SMAD9: variants seen among roughly 807,000 people sequenced by gnomAD.
SMAD9 encodes the protein SMAD family member 9, also known as MAD homolog 9.
In SMAD9, 36 loss-of-function variants were observed where a neutral mutation model predicts 46.1. The observed-to-expected ratio is 0.78, with a 90% CI of 0.60 to 1.03. The LOEUF is 1.03. Ranked by LOEUF, SMAD9 falls within the 50% of genes least tolerant of loss-of-function variation. The pLI is 0.00. For missense variants in SMAD9, 572 were observed against 599.8 expected (o/e 0.95, Z 0.48); for synonymous variants, 245 against 237.1 (o/e 1.03, Z -0.31).
chr13:36,848,650 T>C lies in SMAD9; in HGVS notation c.*26A>G, dbSNP rs1313445294. 6.2e-7 allele frequency: 1 copy of C among 1,612,008 alleles called. No homozygotes were observed. The highest frequency in any genetic ancestry group is 1.3e-5 in the African/African-American group (1 of 74,988). Reference sequence around the variant, plus strand: ...ACTCCCTGCAATAGCCTCTATCCTATGGAAATGCAGCTTAAGACATGACTG... The same window carrying C: ...ACTCCCTGCAATAGCCTCTATCCTACGGAAATGCAGCTTAAGACATGACTG... On this transcript the variant is annotated 3_prime_UTR_variant, in exon 7 of 7. Coordinates refer to ENST00000379826, the MANE Select transcript of SMAD9 (RefSeq NM_001127217.3).
At chr13:36,906,322 C>T (rs531613878) in intron 1 of SMAD9, among the ~76,000 whole-genome samples, 3 of 151,748 alleles carry the variant, frequency 2.0e-5, no homozygotes, top group East Asian at 1.9e-4. Flanking sequence ...TTTATATGAC[C>T]GTATGTTATG....
intron 5 of SMAD9, among the ~76,000 whole-genome samples, chr13:36,859,739 T>A (rs965296743): frequency 1.3e-5 from 2 of 152,078 alleles, no homozygotes; most frequent in Non-Finnish European, 2.9e-5. Flanking sequence ...GGCGGGTGGA[T>A]TGCCGGAGGT....
At position 36,856,798 on chromosome 13, in the gene SMAD9, C is replaced by CTTTTT. The variant is rs34107763; in HGVS notation, c.1004-3128_1004-3124dup. ...CCAGGGTGAGGCCGGGTGACCTGCA[C>CTTTTT]TTTTTTTTTTTTTTTTTTTTGAGAT... On this transcript the variant is annotated intron_variant, in intron 5 of 6. Transcript: ENST00000379826. Among the ~76,000 whole-genome samples, 43 of 123,398 alleles carry CTTTTT rather than the reference C, an allele frequency of 3.5e-4. 1 individual carries two copies. Among genetic ancestry groups the CTTTTT allele is most frequent in the African/African-American group, 1.1e-3 (34 of 30,338 alleles). The allele number at this position is 123,398 out of a possible 152,430, so 81.0% of individuals were successfully genotyped here.
intron 1 of SMAD9, among the ~76,000 whole-genome samples, chr13:36,891,919 G>GA: frequency 6.6e-6 from 1 of 152,136 alleles, no homozygotes; most frequent in Admixed American, 6.5e-5. Flanking sequence ...GGTTGGGAAA[G>GA]AATTTCAGAA....
At chr13:36,858,288 C>T (rs555545660) in intron 5 of SMAD9, among the ~76,000 whole-genome samples, 11 of 152,320 alleles carry the variant, frequency 7.2e-5, no homozygotes, top group African/African-American at 2.6e-4. Context: ...GCAGGTCTTC[C>T]AGAGGACTGT....
At chr13:36,919,083 T>C (rs185657657) in intron 1 of SMAD9, among the ~76,000 whole-genome samples, 1 of 152,356 alleles carries the variant, frequency 6.6e-6, no homozygotes, top group Admixed American at 6.5e-5. Context: ...GTAAAGAATT[T>C]ACATACAATT....
At chr13:36,864,741 A>C (rs1013953090) in intron 5 of SMAD9, among the ~76,000 whole-genome samples, 1 of 152,304 alleles carries the variant, frequency 6.6e-6, no homozygotes, top group East Asian at 1.9e-4. Context: ...AGAATGCATC[A>C]CCAAATGGAA....
At position 36,854,370 on chromosome 13, in the gene SMAD9, T is replaced by C. The variant is rs548859701; in HGVS notation, c.1004-695A>G. Among the ~76,000 whole-genome samples the C allele has an allele frequency of 6.6e-4, 100 of 152,052 alleles. No homozygotes were observed. In the South Asian group the frequency reaches 0.013, roughly 20 times the overall value. On this transcript the variant is annotated intron_variant, in intron 5 of 6. Transcript: ENST00000379826. ...ATCCTTCATTGTACATACACAAATT[T>C]TATTTTTTTTTTTTTGAGACGGAGT...
intron 1 of SMAD9, among the ~76,000 whole-genome samples, chr13:36,882,996 C>T (rs2058416712): frequency 6.6e-6 from 1 of 152,108 alleles, no homozygotes; most frequent in Non-Finnish European, 1.5e-5. Context: ...AGGCAGTGCA[C>T]TTTAGGGTTC....
intron 1 of SMAD9, among the ~76,000 whole-genome samples, chr13:36,891,519 G>A (rs1700951618): frequency 6.6e-6 from 1 of 152,152 alleles, no homozygotes. Context: ...GTTTTATATT[G>A]TTTTTATTTA....
rs2058688113 is a variant in SMAD9 at position 36,915,007 on chromosome 13, CT to C, written c.-187+5108del. ...TCTGTATTTGATAGGCTTCTAAGCA[CT>C]TTAACAGATGAAAAGTAAAAAACAG... On this transcript the variant is annotated intron_variant, in intron 1 of 6. Transcript: ENST00000379826. Among the ~76,000 whole-genome samples the C allele has an allele frequency of 2.6e-5, 4 of 152,282 alleles. No homozygotes were observed. The South Asian group carries it at 8.3e-4, about 32-fold the overall frequency.
Position 36,853,372 on chromosome 13 carries a change from T to C in SMAD9, c.1260+47A>G, listed in dbSNP as rs543901498. ...ACATCAGTCAGGGTGCTTTTTTGTT[T>C]TGTTTTTCACTGAACATTTTATAAC... On this transcript the variant is annotated intron_variant, in intron 6 of 6. Transcript: ENST00000379826. 5.7e-4 allele frequency: 924 copies of C among 1,608,158 alleles called. 10 individuals carry two copies. In the South Asian group the frequency reaches 8.9e-3, roughly 16 times the overall value.
At chr13:36,894,182 C>T (rs2058510341) in intron 1 of SMAD9, among the ~76,000 whole-genome samples, 1 of 152,280 alleles carries the variant, frequency 6.6e-6, no homozygotes, top group African/African-American at 2.4e-5. Flanking sequence ...TGCATCCCCA[C>T]CCAAATCTCA....
At chr13:36,854,656 G>A (rs541898497) in intron 5 of SMAD9, among the ~76,000 whole-genome samples, 8 of 152,276 alleles carry the variant, frequency 5.3e-5, no homozygotes, top group African/African-American at 1.9e-4. Context: ...ACAGGCATGA[G>A]CCACTGCACC....
chr13:36,890,913 C>T (rs2058484344), intron 1 of SMAD9, among the ~76,000 whole-genome samples: 1 of 151,950 alleles, frequency 6.6e-6, no homozygotes, highest in East Asian at 1.9e-4. Context: ...GCATCACAGA[C>T]ACACCACACA....
intron 1 of SMAD9, among the ~76,000 whole-genome samples, chr13:36,904,294 C>A (rs985686921): frequency 6.6e-6 from 1 of 152,116 alleles, no homozygotes; most frequent in Non-Finnish European, 1.5e-5. Flanking sequence ...GTTAGATATG[C>A]GACTCTTGAT....
chr13:36,851,134 C>G (rs774112090), intron 6 of SMAD9, among the ~76,000 whole-genome samples: 2 of 152,186 alleles, frequency 1.3e-5, no homozygotes, highest in Non-Finnish European at 2.9e-5. Context: ...CTGCTCTGAT[C>G]CCTGCAAAAG....
chr13:36,860,676 A>C, intron 5 of SMAD9, among the ~76,000 whole-genome samples: 1 of 151,220 alleles, frequency 6.6e-6, no homozygotes, highest in Admixed American at 6.6e-5. Flanking sequence ...GAGGGTCTCG[A>C]TCTCCTGACC....
chr13:36,906,591 T>C (rs1379477448), intron 1 of SMAD9, among the ~76,000 whole-genome samples: 2 of 152,084 alleles, frequency 1.3e-5, no homozygotes, highest in Non-Finnish European at 2.9e-5. Flanking sequence ...GGCAAAGCAC[T>C]AGAATAGACA....
Sources: gnomAD v4.1 joint callset for allele counts (sites outside exome capture counted in the v4.1 genomes callset) on GRCh38, gnomAD v4.1.1 for gene constraint, MANE v1.5 for transcripts, NCBI Gene and HGNC (gene_info 2026-07-23, HGNC 2026-07-21) for gene names.